KAZN: variants seen among roughly 807,000 people sequenced by gnomAD.
KAZN encodes kazrin, periplakin interacting protein.
Under a neutral mutation model 87.4 loss-of-function variants are expected in KAZN, and 40 were observed. The ratio of observed to expected loss-of-function variants is 0.46; its 90% confidence interval spans 0.36 to 0.60. The LOEUF is 0.60. Ranked by LOEUF, KAZN falls within the 20% of genes least tolerant of loss-of-function variation. KAZN has a pLI of 0.00. For synonymous variants in KAZN, 466 were observed against 458.3 expected (o/e 1.02, Z -0.22); for missense variants, 898 against 1,073.9 (o/e 0.84, Z 2.29).
intron 1 of KAZN, among the ~76,000 whole-genome samples, chr1:14,913,605 C>T (rs115729607): frequency 0.029 from 4,360 of 152,338 alleles, 107 homozygotes; most frequent in Middle Eastern, 0.075. Flanking sequence ...GAACTCTCTG[C>T]CTTACTGTCT....
intron 2 of KAZN, among the ~76,000 whole-genome samples, chr1:14,466,772 T>G (rs184294247): frequency 8.6e-5 from 13 of 151,646 alleles, no homozygotes; most frequent in South Asian, 2.1e-4. Flanking sequence ...ATGGAGACCA[T>G]CCTGGCTAAC....
intron 2 of KAZN, among the ~76,000 whole-genome samples, chr1:14,321,568 T>G (rs1433331396): frequency 1.3e-5 from 2 of 152,176 alleles, no homozygotes; most frequent in Non-Finnish European, 2.9e-5. Context: ...TATCCCTGGC[T>G]CACTAAGGCA....
At chr1:14,204,045 G>A (rs1326213961) in intron 2 of KAZN, among the ~76,000 whole-genome samples, 2 of 152,232 alleles carry the variant, frequency 1.3e-5, no homozygotes, top group Non-Finnish European at 2.9e-5. Flanking sequence ...GAAAACCCAA[G>A]AAAGAAGCTT....
At chr1:14,191,103 T>C (rs72865721) in intron 2 of KAZN, among the ~76,000 whole-genome samples, 2,624 of 152,188 alleles carry the variant, frequency 0.017, 77 homozygotes, top group African/African-American at 0.06. Context: ...AGAACCACAG[T>C]AATGGTGATG....
chr1:14,990,578 T>C (rs1667255592), intron 2 of KAZN, among the ~76,000 whole-genome samples: 1 of 152,130 alleles, frequency 6.6e-6, no homozygotes, highest in Admixed American at 6.5e-5. Flanking sequence ...GCCCATTTGT[T>C]TCACATATTT....
intron 13 of KAZN, chr1:15,111,868 T>G (rs1641637717): frequency 6.5e-6 from 1 of 153,896 alleles, no homozygotes; most frequent in Non-Finnish European, 1.4e-5. Context: ...GGATTTGACC[T>G]GCAGGCAGGC....
intron 2 of KAZN, among the ~76,000 whole-genome samples, chr1:14,357,100 T>C (rs966127689): frequency 6.6e-6 from 1 of 152,150 alleles, no homozygotes; most frequent in African/African-American, 2.4e-5. Flanking sequence ...CTCATTTCCT[T>C]GAGCAGTGGT....
chr1:14,173,180 A>G (rs7513551), intron 1 of KAZN, among the ~76,000 whole-genome samples: 18,702 of 152,198 alleles, frequency 0.12, 1,272 homozygotes, highest in East Asian at 0.33. Flanking sequence ...ACAGAGGGAG[A>G]CAGACATTCA....
chr1:14,652,887 C>T lies in KAZN; in HGVS notation c.226+53664C>T, dbSNP rs190725534. Among the ~76,000 whole-genome samples the T allele has an allele frequency of 4.0e-4, 57 of 143,206 alleles. 1 individual carries two copies. Among genetic ancestry groups the T allele is most frequent in the African/African-American group, 1.4e-3 (55 of 38,366 alleles). The allele number at this position is 143,206 out of a possible 152,430, so 93.9% of individuals were successfully genotyped here. ...TTGGGGACATTTTTGGTTGTCACAGCTGGGAGAGAGGGGGGTGCCACTGGC... is the reference window on the plus strand; with the variant it reads ...TTGGGGACATTTTTGGTTGTCACAGTTGGGAGAGAGGGGGGTGCCACTGGC... On this transcript the variant is annotated intron_variant, in intron 1 of 14. Transcript: ENST00000376030.
intron 1 of KAZN, among the ~76,000 whole-genome samples, chr1:14,720,440 G>C (rs1010370056): frequency 6.6e-6 from 1 of 152,092 alleles, no homozygotes; most frequent in African/African-American, 2.4e-5. Context: ...GCCCCAAAAG[G>C]TTCTTGTCTC....
intron 3 of KAZN, among the ~76,000 whole-genome samples, chr1:15,043,383 A>G (rs894799429): frequency 1.3e-5 from 2 of 152,200 alleles, no homozygotes; most frequent in Admixed American, 1.3e-4. Context: ...TCTTTGAAAC[A>G]AGTAGGATTG....
At chr1:14,656,708 C>T (rs1428438822) in intron 1 of KAZN, among the ~76,000 whole-genome samples, 2 of 152,160 alleles carry the variant, frequency 1.3e-5, no homozygotes, top group African/African-American at 4.8e-5. Context: ...AAGGGGACGG[C>T]GCTACGCGCT....
chr1:14,954,500 T>G lies in KAZN; in HGVS notation c.227-6184T>G, dbSNP rs561004524. 2.0e-5 allele frequency among the ~76,000 whole-genome samples: 3 copies of G among 152,360 alleles called. No individual in the cohort carries two copies. The East Asian group carries it at 5.8e-4, about 29-fold the overall frequency. The stretch of plus-strand genomic sequence containing the variant: ...TACCAGATGCTTAACAAATACCATC[T>G]TCATCTCACACCCTCTAGCCCAGTG... On this transcript the variant is annotated intron_variant, in intron 1 of 14. Coordinates refer to ENST00000376030, the MANE Select transcript of KAZN (RefSeq NM_201628.3).
chr1:14,453,317 G>A (rs1328037420), intron 2 of KAZN, among the ~76,000 whole-genome samples: 1 of 152,132 alleles, frequency 6.6e-6, no homozygotes, highest in East Asian at 1.9e-4. Flanking sequence ...CATGAGTAAA[G>A]GGAAATGTGT....
rs536173436 is a variant in KAZN, at chr1:15,114,571, C to A, written c.2264C>A (p.Pro755His). The A allele has an allele frequency of 6.2e-6, 10 of 1,606,356 alleles. No individual in the cohort carries two copies. The East Asian group carries it at 2.0e-4, about 32-fold the overall frequency. ...LQNEDCGDDDPQSRLEQCRLE... is the reference protein window; with the variant it reads ...LQNEDCGDDDHQSRLEQCRLE... Reference sequence around the variant, plus strand: ...AACGAAGATTGCGGAGACGATGACCCCCAGAGCAGGCTGGAACAGTGCCGT... The same window carrying A: ...AACGAAGATTGCGGAGACGATGACCACCAGAGCAGGCTGGAACAGTGCCGT... The change falls in exon 15 of 15, where the codon CCC (proline) becomes CAC (histidine). Residue 755 changes from proline (P) to histidine (H), a missense_variant. Physicochemically the swap from Pro to His is moderately conservative, Grantham distance 77 (BLOSUM62 -2). Transcript: ENST00000376030.
intron 1 of KAZN, among the ~76,000 whole-genome samples, chr1:14,917,971 T>C (rs955366272): frequency 4.6e-5 from 7 of 152,018 alleles, no homozygotes; most frequent in African/African-American, 1.7e-4. Flanking sequence ...CTCTGCCTCC[T>C]GGGTTCAAGC....
chr1:14,736,255 GTGTGTGT>G (rs1216909459), intron 1 of KAZN, among the ~76,000 whole-genome samples: 1 of 83,816 alleles, frequency 1.2e-5, no homozygotes, highest in South Asian at 3.2e-4. Context: ...GGACTCAAGG[GTGTGTGT>G]GTGTGTGTGT....
intron 1 of KAZN, among the ~76,000 whole-genome samples, chr1:13,975,433 C>G (rs1315594517): frequency 6.6e-6 from 1 of 152,236 alleles, no homozygotes; most frequent in East Asian, 1.9e-4. Flanking sequence ...AGAGGCTCGA[C>G]TCTTTCCTCT....
At chr1:14,126,568 C>T (rs1037829710) in intron 1 of KAZN, among the ~76,000 whole-genome samples, 40 of 151,902 alleles carry the variant, frequency 2.6e-4, no homozygotes, top group African/African-American at 9.7e-4. Flanking sequence ...TTGAATTTTA[C>T]AATGACCTAA....
Sources: allele counts gnomAD v4.1 joint callset (sites outside exome capture counted in the v4.1 genomes callset), GRCh38; gene constraint gnomAD v4.1.1; transcripts MANE v1.5; gene names NCBI Gene and HGNC (gene_info 2026-07-23, HGNC 2026-07-21).